SFI1: variants seen among roughly 807,000 people sequenced by gnomAD.
SFI1 encodes the protein protein SFI1 homolog.
SFI1 carries 195 observed loss-of-function variants against 207.5 expected under a neutral mutation model. The ratio of observed to expected loss-of-function variants is 0.94; its 90% CI spans 0.84 to 1.06. The LOEUF is 1.06. Ranked by LOEUF, SFI1 falls within the 50% of genes least tolerant of loss-of-function variation. The pLI, the probability that SFI1 is intolerant of heterozygous loss-of-function variation, is 0.00. For synonymous variants in SFI1, 630 were observed against 598.9 expected (o/e 1.05, Z -0.76); for missense variants, 1,634 against 1,588.0 (o/e 1.03, Z -0.49).
At chr22:31,592,975 G>A (rs1206693325) in intron 15 of SFI1, among the ~76,000 whole-genome samples, 4 of 121,314 alleles carry the variant, frequency 3.3e-5, no homozygotes, top group African/African-American at 1.0e-4. Flanking sequence ...GCGGCTGGCC[G>A]GGCGGGGGGC....
rs908917170 is a variant in SFI1, at chr22:31,615,036, C to T, written c.3069-12C>T. Reference sequence around the variant, plus strand: ...TGTGGCCTGACCAGGCTCTTGCCTTCCCTGTGCTCAGGCCTCAGAAGCCAC... The same window carrying T: ...TGTGGCCTGACCAGGCTCTTGCCTTTCCTGTGCTCAGGCCTCAGAAGCCAC... On this transcript the variant is annotated splice_polypyrimidine_tract_variant and intron_variant, in intron 28 of 32. Transcript: ENST00000400288. 4 of 1,611,524 alleles carry T rather than the reference C, an allele frequency of 2.5e-6. No individual in the cohort carries two copies. Among genetic ancestry groups the T allele is most frequent in the South Asian group, 1.1e-5 (1 of 90,912 alleles).
intron 12 of SFI1, among the ~76,000 whole-genome samples, chr22:31,581,480 G>T (rs954845456): frequency 6.6e-6 from 1 of 151,692 alleles, no homozygotes; most frequent in Non-Finnish European, 1.5e-5. Context: ...TAGTAGAGAC[G>T]GGTTTTTCCC....
At chr22:31,608,901 G>T (rs1769387600) in intron 22 of SFI1, among the ~76,000 whole-genome samples, 1 of 152,090 alleles carries the variant, frequency 6.6e-6, no homozygotes, top group South Asian at 2.1e-4. Flanking sequence ...AGCTACTTGG[G>T]AGCCTGAGGT....
intron 1 of SFI1, among the ~76,000 whole-genome samples, chr22:31,497,720 A>G (rs891028779): frequency 1.5e-4 from 23 of 152,146 alleles, no homozygotes; most frequent in African/African-American, 4.8e-4. Flanking sequence ...AAATGCAACA[A>G]CAAACCCAGG....
chr22:31,585,303 T>G (rs184102643), intron 14 of SFI1, among the ~76,000 whole-genome samples, 169 bp downstream of exon 14: 1 of 152,322 alleles, frequency 6.6e-6, no homozygotes, highest in South Asian at 2.1e-4. Flanking sequence ...ACCTCTAATA[T>G]CAGAAAGTCT....
intron 10 of SFI1, among the ~76,000 whole-genome samples, chr22:31,576,797 G>A (rs1390024058): frequency 6.6e-6 from 1 of 151,832 alleles, no homozygotes; most frequent in Non-Finnish European, 1.5e-5. Context: ...GCACCACCAT[G>A]TCCGGCTAAT....
rs559697866 is a variant in SFI1, at chr22:31,613,495, T to TCCCGGCAGCAGCTGCAGG, written c.2711_2728dup (p.Arg904_Ala909dup). On this transcript the variant is annotated inframe_insertion, in exon 26 of 33. Transcript: ENST00000400288. Reference sequence around the variant, plus strand: ...GCGCTTTGCAGCCAGCATGAAGGCCTCCCGGCAGCAGCTGCAGGCCCAGCA... The same window carrying TCCCGGCAGCAGCTGCAGG: ...GCGCTTTGCAGCCAGCATGAAGGCCTCCCGGCAGCAGCTGCAGGCCCGGCAGCAGCTGCAGGCCCAGCA... 5 of 1,595,914 alleles carry TCCCGGCAGCAGCTGCAGG rather than the reference T, an allele frequency of 3.1e-6. No homozygotes were observed. Among genetic ancestry groups the TCCCGGCAGCAGCTGCAGG allele is most frequent in the Non-Finnish European group, 4.3e-6 (5 of 1,175,426 alleles).
intron 7 of SFI1, among the ~76,000 whole-genome samples, chr22:31,557,680 G>A (rs1054669048): frequency 9.9e-5 from 15 of 152,070 alleles, no homozygotes; most frequent in East Asian, 3.8e-4. Context: ...AACCCTTACC[G>A]TAAACTGTAA....
intron 2 of SFI1, among the ~76,000 whole-genome samples, chr22:31,525,535 C>G (rs2057801539): frequency 1.3e-5 from 2 of 152,108 alleles, no homozygotes; most frequent in Non-Finnish European, 2.9e-5. Context: ...CAAGACCATC[C>G]TGCGCATGTG....
chr22:31,508,161 A>T, intron 1 of SFI1, 94 bp from the exon 2 acceptor site: 1 of 711,732 alleles, frequency 1.4e-6, no homozygotes, highest in Non-Finnish European at 2.6e-6. Flanking sequence ...AATTAAGGAG[A>T]GCAGGAGACT....
intron 15 of SFI1, 115 bp from the exon 16 acceptor site, chr22:31,602,097 T>G: frequency 1.1e-6 from 1 of 876,890 alleles, no homozygotes; most frequent in South Asian, 1.5e-5. Flanking sequence ...TTAATTCACC[T>G]CTTATACGAT....
chr22:31,563,957 A>C (rs1478794787), intron 8 of SFI1, among the ~76,000 whole-genome samples: 1 of 152,130 alleles, frequency 6.6e-6, no homozygotes, highest in Non-Finnish European at 1.5e-5. Context: ...GTAAAATTTT[A>C]ATTTTAATTT....
chr22:31,588,550 C>T (rs1047265903), intron 14 of SFI1, among the ~76,000 whole-genome samples: 3 of 152,210 alleles, frequency 2.0e-5, no homozygotes, highest in African/African-American at 2.4e-5. Flanking sequence ...CACGGTGGCT[C>T]ATGCCTGTAA....
intron 14 of SFI1, chr22:31,588,030 CAG>C (rs989919386): frequency 2.5e-4 from 38 of 152,216 alleles, no homozygotes; most frequent in African/African-American, 8.2e-4. Context: ...ACCCCAAACT[CAG>C]TGGTATAAGA....
intron 2 of SFI1, among the ~76,000 whole-genome samples, chr22:31,525,385 A>G (rs544807846): frequency 2.6e-5 from 4 of 152,136 alleles, no homozygotes; most frequent in Admixed American, 2.0e-4. Flanking sequence ...TCCCAGCACC[A>G]TTTATTAAGG....
intron 6 of SFI1, among the ~76,000 whole-genome samples, chr22:31,556,370 C>G (rs1232138269): frequency 1.3e-5 from 2 of 151,868 alleles, no homozygotes; most frequent in Non-Finnish European, 2.9e-5. Context: ...TACAGGCGCA[C>G]GCCACCACAC....
Position 31,613,710 on chromosome 22 carries a change from A to C in SFI1, c.2851A>C (p.Arg951=). The C allele has an allele frequency of 6.2e-7, 1 of 1,613,082 alleles. No individual in the cohort carries two copies. Among genetic ancestry groups the C allele is most frequent in the Non-Finnish European group, 8.5e-7 (1 of 1,179,866 alleles). The change falls in exon 27 of 33, where the codon AGG becomes CGG. Residue 951 remains arginine, a synonymous_variant. Coordinates refer to ENST00000400288, the MANE Select transcript of SFI1 (RefSeq NM_001007467.3). The stretch of plus-strand genomic sequence containing the variant: ...GCCCCTGGCAGCCATCGCACCCAGC[A>C]GGAAAGTGACGTTTGAGGGTCCCCT... The part of the protein sequence containing the change: ...PQPLAAIAPS[R]KVTFEGPLLN...
intron 15 of SFI1, among the ~76,000 whole-genome samples, chr22:31,591,116 C>A (rs2065836747): frequency 6.6e-6 from 1 of 152,016 alleles, no homozygotes; most frequent in South Asian, 2.1e-4. Flanking sequence ...ACCCTGCGGC[C>A]TTCCGCAGTG....
At chr22:31,566,969 G>A (rs1437416448) in intron 8 of SFI1, among the ~76,000 whole-genome samples, 3 of 151,904 alleles carry the variant, frequency 2.0e-5, no homozygotes, top group Non-Finnish European at 4.4e-5. Context: ...GCAGTGGTGC[G>A]ATCTCGGCTC....
Sources: allele counts gnomAD v4.1 joint callset (sites outside exome capture counted in the v4.1 genomes callset), GRCh38; gene constraint gnomAD v4.1.1; transcripts MANE v1.5; gene names NCBI Gene and HGNC (gene_info 2026-07-23, HGNC 2026-07-21).